Variants in DDX20 observed in about 807,000 individuals in gnomAD.
The protein encoded by DDX20 is DEAD-box helicase 20, also known as probable ATP-dependent RNA helicase DDX20.
DDX20 carries 61 observed loss-of-function variants against 76.4 expected under a neutral mutation model. That is an observed-to-expected ratio of 0.80 (90% CI 0.65 to 0.99). The LOEUF (loss-of-function observed/expected upper bound fraction) is 0.99. Among genes scored for constraint, DDX20 ranks in the 50% least tolerant of loss-of-function variants. DDX20 has a pLI of 0.00. For missense variants in DDX20, 976 were observed against 996.8 expected (o/e 0.98, Z 0.28); for synonymous variants, 357 against 357.4 (o/e 1.00, Z 0.01).
Position 111,762,319 on chromosome 1 carries a change from C to T in DDX20, c.1086C>T (p.Val362=). The T allele has an allele frequency of 1.9e-6, 3 of 1,613,262 alleles. No homozygotes were observed. Among genetic ancestry groups the T allele is most frequent in the Non-Finnish European group, 2.5e-6 (3 of 1,179,682 alleles). The change falls in exon 8 of 11, where the codon GTC becomes GTT. Residue 362 remains valine, a synonymous_variant. Transcript: ENST00000369702. ...MAKLKHFHCR[V]LISTDLTSRG... is the part of the protein sequence containing the mutation. Reference sequence around the variant, plus strand: ...AACTGAAGCACTTTCATTGCAGAGTCCTCATTTCCACAGATTTGGTAAATT... The same window carrying T: ...AACTGAAGCACTTTCATTGCAGAGTTCTCATTTCCACAGATTTGGTAAATT...
Position 111,761,295 on chromosome 1 carries a change from C to G in DDX20, c.1021+11C>G, listed in dbSNP as rs899957346. ...CTGAGTGCATTTCAGGTAAGTTCATCTCTTACTTTAATCTTTATTTAGTAT... is the reference window on the plus strand; with the variant it reads ...CTGAGTGCATTTCAGGTAAGTTCATGTCTTACTTTAATCTTTATTTAGTAT... On this transcript the variant is annotated intron_variant, in intron 7 of 10. Coordinates refer to ENST00000369702, the MANE Select transcript of DDX20 (RefSeq NM_007204.5). 3 of 1,608,600 alleles carry G rather than the reference C, an allele frequency of 1.9e-6. No homozygotes were observed. Among genetic ancestry groups the G allele is most frequent in the Non-Finnish European group, 1.7e-6 (2 of 1,176,858 alleles).
At position 111,756,720 on chromosome 1, in the gene DDX20, C is replaced by T. The variant is rs767839185; in HGVS notation, c.376C>T (p.Leu126Phe). 1 of 1,614,058 alleles carries T rather than the reference C, an allele frequency of 6.2e-7. No individual in the cohort carries two copies. Among genetic ancestry groups the T allele is most frequent in the Non-Finnish European group, 8.5e-7 (1 of 1,179,970 alleles). Residue 126 changes from leucine to phenylalanine, a missense_variant, in exon 2 of 11, where the codon CTT (leucine) becomes TTT (phenylalanine). Coordinates refer to ENST00000369702, the MANE Select transcript of DDX20 (RefSeq NM_007204.5). The part of the protein sequence containing the change: ...FSTIALDSLV[L>F]ENLSTQILIL... ...CACCATAGCTTTGGACTCTCTTGTT[C>T]TTGAAAACTTAAGTACCCAGGTGAG...
chr1:111,755,960 A>T lies in DDX20; in HGVS notation c.36A>T (p.Ala12=), dbSNP rs197392. The part of the protein sequence containing the change: ...AAAFEASGAL[A]AVATAMPAEH... ...CATTTGAAGCCTCGGGAGCCTTAGC[A>T]GCAGTGGCGACTGCTATGCCGGCTG... The change falls in exon 1 of 11, where the codon GCA becomes GCT. Residue 12 remains alanine, a synonymous_variant. Coordinates refer to ENST00000369702, the MANE Select transcript of DDX20 (RefSeq NM_007204.5). 1.0e-5 allele frequency: 16 copies of T among 1,592,678 alleles called. No homozygotes were observed. The African/African-American group carries it at 1.1e-4, about 11-fold the overall frequency.
intron 10 of DDX20, among the ~76,000 whole-genome samples, chr1:111,764,745 G>C (rs1175165061): frequency 1.3e-5 from 2 of 152,082 alleles, no homozygotes; most frequent in African/African-American, 4.8e-5. Flanking sequence ...ATGTTAATAG[G>C]GCCCTGAAAT....
At chr1:111,756,349 C>T in intron 1 of DDX20, 124 bp downstream of exon 1, 1 of 981,314 alleles carries the variant, frequency 1.0e-6, no homozygotes, top group Non-Finnish European at 1.4e-6. Context: ...GAGCAGGGCC[C>T]TGCCGGGGGC....
rs1433185514 is a variant in DDX20, at chr1:111,761,008, T to C, written c.845T>C (p.Val282Ala). Residue 282 changes from valine to alanine, a missense_variant, in exon 6 of 11, where the codon GTT becomes GCT. This residue lies in a region of DDX20 where 630 missense variants were observed against 693.7 expected (regional missense o/e 0.91). Transcript: ENST00000369702. ...GTAGGTTTGAAGCAGTATTACAAAG[T>C]TGTCAATTCATACCCTTTGGCACAT... ...SLIGLKQYYK[V>A]VNSYPLAHKV... The C allele has an allele frequency of 1.2e-6, 2 of 1,613,822 alleles. No homozygotes were observed. The highest frequency in any genetic ancestry group is 2.2e-5 in the East Asian group (1 of 44,858).
chr1:111,763,121 C>T (rs1006198314), intron 10 of DDX20, 114 bp downstream of exon 10: 3 of 792,198 alleles, frequency 3.8e-6, no homozygotes, highest in Non-Finnish European at 6.1e-6. Flanking sequence ...GTTCCCAGTC[C>T]TGTATGTACG....
chr1:111,762,632 G>A (rs376030290), intron 8 of DDX20, 45 bp from the exon 9 acceptor site: 22 of 1,463,408 alleles, frequency 1.5e-5, no homozygotes, highest in Non-Finnish European at 1.9e-5. Context: ...TATCCATGCT[G>A]TATAGTTAAT....
In DDX20 at chr1:111,760,576, A is replaced by T; in HGVS notation, c.668A>T (p.Gln223Leu). The change falls in exon 4 of 11, where the codon CAG becomes CTG. Residue 223 changes from glutamine (Q) to leucine (L), a missense_variant. This residue lies in a region of DDX20 where 343 missense variants were observed against 286.4 expected (regional missense o/e 1.20). Coordinates refer to ENST00000369702, the MANE Select transcript of DDX20 (RefSeq NM_007204.5). ...AAGCTTTTAGAAGAAGGCAGCTTCCAGGAGCAAATAAAGTAAGAAAAATAA... is the reference window on the plus strand; with the variant it reads ...AAGCTTTTAGAAGAAGGCAGCTTCCTGGAGCAAATAAAGTAAGAAAAATAA... ...ADKLLEEGSF[Q>L]EQINWIYSSL... 6.2e-7 allele frequency: 1 copy of T among 1,612,012 alleles called. No homozygotes were observed.
intron 7 of DDX20, 97 bp from the exon 8 acceptor site, chr1:111,762,158 G>A (rs940157377): frequency 1.1e-6 from 1 of 883,444 alleles, no homozygotes; most frequent in Non-Finnish European, 1.8e-6. Flanking sequence ...TATTAAAAGT[G>A]TTAAGACTGG....
chr1:111,759,512 C>T lies in DDX20; in HGVS notation c.509C>T (p.Pro170Leu), dbSNP rs760763795. Residue 170 changes from proline to leucine, a missense_variant, in exon 3 of 11, where the codon CCA becomes CTA. By Grantham distance (98) the Pro-to-Leu change is moderately conservative. Coordinates refer to ENST00000369702, the MANE Select transcript of DDX20 (RefSeq NM_007204.5). Reference sequence around the variant, plus strand: ...TGTCATGTCTTTATTGGAGGGACCCCATTATCACAAGACAAAACCAGACTT... The same window carrying T: ...TGTCATGTCTTTATTGGAGGGACCCTATTATCACAAGACAAAACCAGACTT... ...LECHVFIGGTPLSQDKTRLKK... is the reference protein window; with the variant it reads ...LECHVFIGGTLLSQDKTRLKK... The T allele has an allele frequency of 6.8e-6, 11 of 1,613,866 alleles. No homozygotes were observed. Among genetic ancestry groups the T allele is most frequent in the Admixed American group, 3.3e-5 (2 of 60,014 alleles).
rs1663541340 is a variant in DDX20 at position 111,756,044 on chromosome 1, G to T, written c.120G>T (p.Leu40=). ...CAACACCCGGGCCTGTGAGGATCCT[G>T]CGGACCGCTCAGGATCTCAGCAGCC... ...PEPTPGPVRI[L]RTAQDLSSPR... Residue 40 remains leucine (L), a synonymous_variant, in exon 1 of 11, where the codon CTG becomes CTT. Transcript: ENST00000369702. The T allele has an allele frequency of 6.2e-7, 1 of 1,609,776 alleles. No homozygotes were observed. The highest frequency in any genetic ancestry group is 1.3e-5 in the African/African-American group (1 of 74,982).
intron 3 of DDX20, 137 bp from the exon 4 acceptor site, chr1:111,760,337 T>G: frequency 1.7e-6 from 1 of 590,364 alleles, no homozygotes; most frequent in South Asian, 2.4e-5. Flanking sequence ...TGTGGTTTAG[T>G]GTGTACATGC....
At position 111,766,309 on chromosome 1, in the gene DDX20, G is replaced by C; in HGVS notation, c.1885G>C (p.Gly629Arg). ...PGDQTVNPQN[G>R]FVRNKVIEQR... ...GGATCAGACTGTGAATCCTCAAAAT[G>C]GTTTTGTGAGAAATAAAGTTATTGA... Residue 629 changes from glycine to arginine, a missense_variant, in exon 11 of 11, where the codon GGT (glycine) becomes CGT (arginine). By Grantham distance (125) the Gly-to-Arg change is moderately radical (BLOSUM62 -2). This residue lies in a region of DDX20 where 630 missense variants were observed against 693.7 expected (regional missense o/e 0.91). Transcript: ENST00000369702. 6.2e-7 allele frequency: 1 copy of C among 1,614,154 alleles called. No individual in the cohort carries two copies.
At chr1:111,758,537 G>C (rs1427483646) in intron 2 of DDX20, among the ~76,000 whole-genome samples, 1 of 151,874 alleles carries the variant, frequency 6.6e-6, no homozygotes, top group African/African-American at 2.4e-5. Context: ...TCTGTCATGT[G>C]GGCCTTCTTT....
At chr1:111,757,701 C>T (rs953923210) in intron 2 of DDX20, among the ~76,000 whole-genome samples, 7 of 152,234 alleles carry the variant, frequency 4.6e-5, no homozygotes, top group Admixed American at 4.6e-4. Context: ...TTGAGTCCAT[C>T]TTATGTCTAC....
chr1:111,766,814 G>T lies in DDX20; in HGVS notation c.2390G>T (p.Trp797Leu). 1 of 1,614,058 alleles carries T rather than the reference G, an allele frequency of 6.2e-7. No homozygotes were observed. The highest frequency in any genetic ancestry group is 8.5e-7 in the Non-Finnish European group (1 of 1,179,946). The change falls in exon 11 of 11, where the codon TGG becomes TTG. Residue 797 changes from tryptophan (W) to leucine (L), a missense_variant. Around this residue, in one of 3 missense-constraint regions of DDX20, gnomAD observed 630 missense variants for 693.7 expected, o/e 0.91. Transcript: ENST00000369702. ...YYAAASHSYY[W>L]NAQRHPSWMA... ...GCTGCCGCTTCTCATTCATATTATT[G>T]GAATGCTCAGAGACATCCAAGTTGG...
intron 2 of DDX20, 104 bp from the exon 3 acceptor site, chr1:111,759,296 A>G (rs926289750): frequency 1.5e-5 from 14 of 925,118 alleles, no homozygotes; most frequent in East Asian, 8.1e-5. Flanking sequence ...AACTCATTTG[A>G]AATGATCATT....
chr1:111,762,184 C>G, intron 7 of DDX20, 71 bp from the exon 8 acceptor site: 2 of 1,271,310 alleles, frequency 1.6e-6, no homozygotes, highest in African/African-American at 1.5e-5. Context: ...ATGCTTTTTA[C>G]TTTTTGTGGA....
Sources: gnomAD v4.1 joint callset for allele counts (sites outside exome capture counted in the v4.1 genomes callset) on GRCh38, gnomAD v4.1.1 for gene constraint, gnomAD v4.1.1 regional missense constraint, MANE v1.5 for transcripts, NCBI Gene and HGNC (gene_info 2026-07-23, HGNC 2026-07-21) for gene names.